CNNM4: variants seen among roughly 807,000 people sequenced by gnomAD.
CNNM4 encodes metal transporter CNNM4.
A neutral mutation model predicts 53.7 loss-of-function variants in CNNM4; 32 were observed. That is an observed-to-expected ratio of 0.60 (90% confidence interval 0.45 to 0.80). The LOEUF (loss-of-function observed/expected upper bound fraction) is 0.80, where lower values mean the gene tolerates loss of function less well. Among genes scored for constraint, CNNM4 ranks in the 30% least tolerant of loss-of-function variants. The pLI is 0.00. For missense variants in CNNM4, 784 were observed against 1,022.0 expected (o/e 0.77, Z 3.17); for synonymous variants, 410 against 440.0 (o/e 0.93, Z 0.85).
intron 3 of CNNM4, 92 bp from the exon 4 acceptor site, chr2:96,798,965 G>C (rs1407374011): frequency 7.9e-7 from 1 of 1,265,184 alleles, no homozygotes; most frequent in African/African-American, 1.5e-5. Flanking sequence ...GCACAGCGTG[G>C]CTGCTGTGGT....
chr2:96,809,673 C>A lies in CNNM4; in HGVS notation c.*156C>A. On this transcript the variant is annotated 3_prime_UTR_variant, in exon 7 of 7. Coordinates refer to ENST00000377075, the MANE Select transcript of CNNM4 (RefSeq NM_020184.4). ...CAGCCTATGGGGGATCTGGCCTCTG[C>A]CAGGGACCTCTGAGTAGCTCTGAGG... 1.5e-6 allele frequency: 1 copy of A among 681,300 alleles called. No homozygotes were observed. The highest frequency in any genetic ancestry group is 2.5e-6 in the Non-Finnish European group (1 of 399,734). The allele number at this position is 681,300 out of a possible 1,614,324, so 42.2% of individuals were successfully genotyped here.
At position 96,801,037 on chromosome 2, in the gene CNNM4, AC is replaced by A. The variant is rs1308756494; in HGVS notation, c.1948+1390del. The A allele has an allele frequency of 2.1e-6, 2 of 971,200 alleles. No individual in the cohort carries two copies. Among genetic ancestry groups the A allele is most frequent in the African/African-American group, 1.8e-5 (1 of 56,952 alleles). 60.2% of individuals were successfully genotyped at this position (971,200 alleles called of 1,614,324 possible). On this transcript the variant is annotated intron_variant, in intron 5 of 6. Transcript: ENST00000377075. This position sits in a 1 kb window ranked among gnomAD's most constrained non-coding sequence, Gnocchi z 5.6. ...CTGTGGTTCCGTGTCCTGTCTCCTG[AC>A]TGCGCCCATCACTGACCTTCTCTTT...
intron 1 of CNNM4, among the ~76,000 whole-genome samples, chr2:96,764,946 C>T (rs2078800426): frequency 6.7e-6 from 1 of 149,006 alleles, no homozygotes; most frequent in African/African-American, 2.5e-5. Context: ...CAGATCGCAC[C>T]ACTGCACTCC....
At chr2:96,770,828 A>G (rs1240953372) in intron 1 of CNNM4, among the ~76,000 whole-genome samples, 1 of 152,176 alleles carries the variant, frequency 6.6e-6, no homozygotes, top group Non-Finnish European at 1.5e-5. Flanking sequence ...CCGCGCAGCC[A>G]TGGAGAGTGT....
Position 96,798,689 on chromosome 2 carries a change from C to A in CNNM4, c.1682-368C>A, listed in dbSNP as rs143381773. 4.0e-4 allele frequency among the ~76,000 whole-genome samples: 61 copies of A among 152,212 alleles called. No individual in the cohort carries two copies. In the East Asian group the frequency reaches 0.011, roughly 27 times the overall value. On this transcript the variant is annotated intron_variant, in intron 3 of 6. Transcript: ENST00000377075. ...GTCTATATATTTTAGTATATATGGACAGCACATATATACTAAGTGCTGTCC... is the reference window on the plus strand; with the variant it reads ...GTCTATATATTTTAGTATATATGGAAAGCACATATATACTAAGTGCTGTCC...
chr2:96,766,324 C>T (rs1310651720), intron 1 of CNNM4, among the ~76,000 whole-genome samples: 6 of 152,106 alleles, frequency 3.9e-5, no homozygotes, highest in South Asian at 2.1e-4. Flanking sequence ...ATCTGCCCAC[C>T]TCGGCCTCCC....
rs1309039800 is a variant in CNNM4 at position 96,762,184 on chromosome 2, C to T, written c.1185C>T (p.Asn395=). The T allele has an allele frequency of 6.2e-7, 1 of 1,614,214 alleles. No individual in the cohort carries two copies. The highest frequency in any genetic ancestry group is 1.1e-5 in the South Asian group (1 of 91,082). The change falls in exon 1 of 7, where the codon AAC becomes AAT. Residue 395 remains asparagine, a synonymous_variant. Coordinates refer to ENST00000377075, the MANE Select transcript of CNNM4 (RefSeq NM_020184.4). ...MIRSDAILDF[N]TMSEIMESGY... The stretch of plus-strand genomic sequence containing the variant: ...GCAGCGATGCCATCCTGGACTTCAA[C>T]ACCATGTCGGAGATAATGGAAAGCG...
chr2:96,807,567 A>G (rs1228838683), intron 5 of CNNM4, among the ~76,000 whole-genome samples: 1 of 152,018 alleles, frequency 6.6e-6, no homozygotes, highest in Non-Finnish European at 1.5e-5. Flanking sequence ...AACCAAAAAA[A>G]CAAGAAAAAG....
chr2:96,769,708 GATGGGGTGAAGACC>G (rs905698569), intron 1 of CNNM4, among the ~76,000 whole-genome samples: 6 of 152,220 alleles, frequency 3.9e-5, no homozygotes, highest in African/African-American at 9.6e-5. Flanking sequence ...TGGAGGGTCA[GATGGGGTGAAGACC>G]ATGCACAGAC....
At chr2:96,763,169 C>G (rs1038911218) in intron 1 of CNNM4, among the ~76,000 whole-genome samples, 1 of 152,186 alleles carries the variant, frequency 6.6e-6, no homozygotes, top group East Asian at 1.9e-4. Context: ...GTGGCGCCAG[C>G]GTAAGCTTCC....
At chr2:96,806,161 G>A (rs1164898910) in intron 5 of CNNM4, among the ~76,000 whole-genome samples, 2 of 151,842 alleles carry the variant, frequency 1.3e-5, no homozygotes, top group African/African-American at 2.4e-5. Flanking sequence ...GGACGGGGCG[G>A]CTGGCCGGGC....
intron 1 of CNNM4, among the ~76,000 whole-genome samples, chr2:96,784,201 A>T (rs915668492): frequency 1.3e-5 from 2 of 152,172 alleles, no homozygotes; most frequent in Non-Finnish European, 1.5e-5. Context: ...CAGCAGGTCG[A>T]GGCTGCAGTG....
At position 96,761,965 on chromosome 2, in the gene CNNM4, G is replaced by C; in HGVS notation, c.966G>C (p.Lys322Asn). The change falls in exon 1 of 7, where the codon AAG (lysine) becomes AAC (asparagine). Residue 322 changes from lysine (K) to asparagine (N), a missense_variant. Lys to Asn is a moderately conservative substitution (Grantham distance 94). Coordinates refer to ENST00000377075, the MANE Select transcript of CNNM4 (RefSeq NM_020184.4). This position sits in a 1 kb window ranked among gnomAD's most constrained non-coding sequence, Gnocchi z 6.0. ...LTFPLSFPIS[K>N]LLDFFLGQEI... ...TCCCCCTCAGTTTTCCCATTAGCAAGCTCCTGGACTTTTTTCTGGGCCAGG... is the reference window on the plus strand; with the variant it reads ...TCCCCCTCAGTTTTCCCATTAGCAACCTCCTGGACTTTTTTCTGGGCCAGG... The C allele has an allele frequency of 1.9e-6, 3 of 1,614,196 alleles. No homozygotes were observed. The highest frequency in any genetic ancestry group is 2.5e-6 in the Non-Finnish European group (3 of 1,180,034).
Position 96,762,127 on chromosome 2 carries a change from C to A in CNNM4, c.1128C>A (p.Ile376=). Residue 376 remains isoleucine (I), a synonymous_variant, in exon 1 of 7, where the codon ATC becomes ATA. Coordinates refer to ENST00000377075, the MANE Select transcript of CNNM4 (RefSeq NM_020184.4). Reference sequence around the variant, plus strand: ...TACGGACCAAAACTGTAGAGGATATCATGACCCAGCTCCAGGACTGCTTCA... The same window carrying A: ...TACGGACCAAAACTGTAGAGGATATAATGACCCAGCTCCAGGACTGCTTCA... ...LELRTKTVED[I]MTQLQDCFMI... 1 of 1,614,136 alleles carries A rather than the reference C, an allele frequency of 6.2e-7. No homozygotes were observed. Among genetic ancestry groups the A allele is most frequent in the East Asian group, 2.2e-5 (1 of 44,884 alleles).
chr2:96,765,131 GT>G (rs775265974), intron 1 of CNNM4, among the ~76,000 whole-genome samples: 82 of 96,314 alleles, frequency 8.5e-4, no homozygotes, highest in Non-Finnish European at 9.8e-4. Context: ...GTTTGTTGTT[GT>G]TTTTTTTTTT....
At chr2:96,795,444 T>G (rs972048212) in intron 1 of CNNM4, among the ~76,000 whole-genome samples, 1 of 151,932 alleles carries the variant, frequency 6.6e-6, no homozygotes, top group African/African-American at 2.4e-5. Context: ...AATACATATA[T>G]CATAGCCCCT....
chr2:96,772,264 T>C (rs187856684), intron 1 of CNNM4, among the ~76,000 whole-genome samples: 1 of 123,136 alleles, frequency 8.1e-6, no homozygotes, highest in East Asian at 2.6e-4. Flanking sequence ...ACACACCCCA[T>C]GCGCGCACAC....
intron 6 of CNNM4, 49 bp from the exon 7 acceptor site, chr2:96,809,271 G>A: frequency 1.9e-6 from 3 of 1,609,840 alleles, no homozygotes; most frequent in Non-Finnish European, 2.5e-6. Context: ...TGGTGATAGG[G>A]TCTGCCTCCC....
chr2:96,801,153 G>A lies in CNNM4; in HGVS notation c.1948+1505G>A. On this transcript the variant is annotated intron_variant, in intron 5 of 6. Coordinates refer to ENST00000377075, the MANE Select transcript of CNNM4 (RefSeq NM_020184.4). This position sits in a 1 kb window ranked among gnomAD's most constrained non-coding sequence, Gnocchi z 5.6. ...CTCACAGGTAACGTGGCACAGCTGA[G>A]GGTCACGCTGCCACCTGCTGCCTGT... is the stretch of plus-strand genomic sequence containing the variant. 1 of 984,158 alleles carries A rather than the reference G, an allele frequency of 1.0e-6. No homozygotes were observed. The highest frequency in any genetic ancestry group is 1.7e-5 in the African/African-American group (1 of 57,302). The allele number at this position is 984,158 out of a possible 1,614,324, so 61.0% of individuals were successfully genotyped here. A position where few individuals can be genotyped will look rare whatever the true frequency, so the allele number is the denominator to read the frequency against.
Sources: allele counts gnomAD v4.1 joint callset (sites outside exome capture counted in the v4.1 genomes callset), GRCh38; gene constraint gnomAD v4.1.1; non-coding constraint Gnocchi (gnomAD v3.1); transcripts MANE v1.5; gene names NCBI Gene and HGNC (gene_info 2026-07-23, HGNC 2026-07-21).